The following FGFR2 variants were observed in gnomAD, a reference collection of about 807,000 sequenced individuals.
FGFR2 encodes fibroblast growth factor receptor 2.
In FGFR2, 19 loss-of-function variants were observed where a neutral mutation model predicts 95.9. The observed-to-expected ratio is 0.20, with a 90% CI of 0.14 to 0.29. The LOEUF is 0.29. FGFR2 is among the 10% of genes least tolerant of loss of function. The pLI, the probability that FGFR2 is intolerant of heterozygous loss-of-function variation, is 1.00. For missense variants in FGFR2, 707 were observed against 1,056.9 expected, an observed-to-expected ratio of 0.67 and a Z score of 4.59; for synonymous variants, 392 against 393.3, an observed-to-expected ratio of 1.00 and a Z score of 0.04.
At chr10:121,507,308 C>T (rs2134115619) in intron 9 of FGFR2, among the ~76,000 whole-genome samples, 1 of 152,310 alleles carries the variant, frequency 6.6e-6, no homozygotes, top group African/African-American at 2.4e-5. Context: ...AAGACAGGGG[C>T]CAGGCAGAGT....
intron 2 of FGFR2, among the ~76,000 whole-genome samples, chr10:121,571,355 G>C (rs1373604923): frequency 7.3e-6 from 1 of 137,004 alleles, no homozygotes; most frequent in African/African-American, 2.8e-5. Flanking sequence ...CTGGAGTGCA[G>C]TGGTGCGATC....
chr10:121,499,435 G>C (rs1415930927), intron 11 of FGFR2, among the ~76,000 whole-genome samples: 1 of 152,190 alleles, frequency 6.6e-6, no homozygotes, highest in African/African-American at 2.4e-5. Flanking sequence ...GACTGTGTGT[G>C]CAAAATTTAC....
At chr10:121,581,761 TAAAAA>T (rs55911512) in intron 2 of FGFR2, among the ~76,000 whole-genome samples, 16 of 62,586 alleles carry the variant, frequency 2.6e-4, no homozygotes, top group Middle Eastern at 8.6e-3. Context: ...ACCCTGCATT[TAAAAA>T]AAAAAAAAAA....
chr10:121,545,923 C>A (rs1206023008), intron 5 of FGFR2, among the ~76,000 whole-genome samples: 1 of 152,160 alleles, frequency 6.6e-6, no homozygotes, highest in African/African-American at 2.4e-5. Flanking sequence ...TAATACCCAA[C>A]GCTGAGGGCT....
chr10:121,517,560 G>T lies in FGFR2; in HGVS notation c.940-97C>A, dbSNP rs1245279321. On this transcript the variant is annotated intron_variant, in intron 7 of 17. Coordinates refer to ENST00000358487, the MANE Select transcript of FGFR2 (RefSeq NM_000141.5). This position sits in a 1 kb window ranked among gnomAD's most constrained non-coding sequence, Gnocchi z 4.7. ...CAAGGCGTCGCACCGGGGGCTTCAGGGGGTGCTGGCCACTGGGAGATTCCG... is the reference window on the plus strand; with the variant it reads ...CAAGGCGTCGCACCGGGGGCTTCAGTGGGTGCTGGCCACTGGGAGATTCCG... 4 of 1,458,526 alleles carry T rather than the reference G, an allele frequency of 2.7e-6. No individual in the cohort carries two copies. The highest frequency in any genetic ancestry group is 3.8e-6 in the Non-Finnish European group (4 of 1,051,126). The allele number at this position is 1,458,526 out of a possible 1,614,324, so 90.3% of individuals were successfully genotyped here. A position where few individuals can be genotyped will look rare whatever the true frequency, so the allele number is the denominator to read the frequency against.
At chr10:121,494,062 C>T (rs1846468767) in intron 13 of FGFR2, among the ~76,000 whole-genome samples, 1 of 151,908 alleles carries the variant, frequency 6.6e-6, no homozygotes, top group Admixed American at 6.6e-5. Flanking sequence ...CCATCATCAC[C>T]TTTGACAGGG....
intron 2 of FGFR2, among the ~76,000 whole-genome samples, chr10:121,585,742 G>A (rs1397791027): frequency 1.3e-5 from 2 of 152,156 alleles, no homozygotes; most frequent in African/African-American, 4.8e-5. Context: ...TAGATTAAAT[G>A]CACAGAAGAT....
At chr10:121,579,178 C>T (rs1036418971) in intron 2 of FGFR2, among the ~76,000 whole-genome samples, 88 of 152,210 alleles carry the variant, frequency 5.8e-4, no homozygotes, top group African/African-American at 2.1e-3. Context: ...AGGGCAAGGT[C>T]ACCACAAGGA....
At chr10:121,501,454 A>C (rs974476457) in intron 10 of FGFR2, among the ~76,000 whole-genome samples, 10 of 152,236 alleles carry the variant, frequency 6.6e-5, no homozygotes, top group Admixed American at 1.3e-4. Context: ...TTTACTAAAA[A>C]GAAAATTCTA....
rs374511767 is a variant in FGFR2 at position 121,485,574 on chromosome 10, C to T, written c.2058-42G>A. ...AAGCACGGCATTACTAACCCATCCACGTTGCCAAAACCTAAACACGCCCAG... is the reference window on the plus strand; with the variant it reads ...AAGCACGGCATTACTAACCCATCCATGTTGCCAAAACCTAAACACGCCCAG... On this transcript the variant is annotated intron_variant, in intron 15 of 17. Coordinates refer to ENST00000358487, the MANE Select transcript of FGFR2 (RefSeq NM_000141.5). The surrounding 1 kb of genome is among the most constrained non-coding windows in gnomAD (Gnocchi z 4.2). 48 of 1,613,716 alleles carry T rather than the reference C, an allele frequency of 3.0e-5. No individual in the cohort carries two copies. In the African/African-American group the frequency reaches 3.2e-4, roughly 11 times the overall value.
chr10:121,592,167 C>G (rs570901038), intron 2 of FGFR2, among the ~76,000 whole-genome samples: 1 of 152,258 alleles, frequency 6.6e-6, no homozygotes, highest in East Asian at 1.9e-4. Context: ...GAGCCACGCA[C>G]TCAAGGGAAA....
chr10:121,497,857 G>A (rs1040599360), intron 12 of FGFR2, among the ~76,000 whole-genome samples: 15 of 152,108 alleles, frequency 9.9e-5, no homozygotes, highest in African/African-American at 2.9e-4. Context: ...AAATATCTAC[G>A]ACCTCCCTTT....
chr10:121,487,818 G>C (rs1845615665), intron 14 of FGFR2, among the ~76,000 whole-genome samples, 173 bp downstream of exon 14: 1 of 152,150 alleles, frequency 6.6e-6, no homozygotes, highest in Admixed American at 6.5e-5. Context: ...CATAATAGAG[G>C]CTAAATTTGC....
At chr10:121,497,025 A>C (rs1331960356) in intron 12 of FGFR2, among the ~76,000 whole-genome samples, 1 of 150,612 alleles carries the variant, frequency 6.6e-6, no homozygotes, top group African/African-American at 2.4e-5. Context: ...CAGCTACTTG[A>C]GAGGCTGAGA....
intron 9 of FGFR2, among the ~76,000 whole-genome samples, chr10:121,510,381 G>A (rs1347289516): frequency 1.3e-5 from 2 of 152,184 alleles, no homozygotes; most frequent in Non-Finnish European, 2.9e-5. Context: ...AGGGAGCAGC[G>A]AAATAGGGGC....
chr10:121,480,372 C>T (rs527252880), intron 17 of FGFR2: 11 of 418,042 alleles, frequency 2.6e-5, no homozygotes, highest in African/African-American at 9.9e-5. Context: ...GCAGGCAACT[C>T]GGCTTCACAC....
At chr10:121,570,416 A>AC (rs1187580415) in intron 2 of FGFR2, among the ~76,000 whole-genome samples, 1 of 151,862 alleles carries the variant, frequency 6.6e-6, no homozygotes, top group Non-Finnish European at 1.5e-5. Flanking sequence ...AACTCTGGTC[A>AC]CCCCCCATGG....
chr10:121,500,731 C>A (rs570467439), intron 11 of FGFR2, 95 bp downstream of exon 11: 3 of 1,545,966 alleles, frequency 1.9e-6, no homozygotes, highest in Non-Finnish European at 2.7e-6. Context: ...GCTCTCTGAC[C>A]CCGTGCCATG....
intron 6 of FGFR2, among the ~76,000 whole-genome samples, chr10:121,535,738 A>T (rs1483444656): frequency 1.3e-5 from 2 of 152,230 alleles, no homozygotes; most frequent in Non-Finnish European, 2.9e-5. Context: ...GTCAATTTTA[A>T]TGAGGATCAA....
Sources: gnomAD v4.1 joint callset for allele counts (sites outside exome capture counted in the v4.1 genomes callset) on GRCh38, gnomAD v4.1.1 for gene constraint, Gnocchi (gnomAD v3.1) non-coding constraint, MANE v1.5 for transcripts, NCBI Gene and HGNC (gene_info 2026-07-23, HGNC 2026-07-21) for gene names.